Variants in PDZD8 observed in about 807,000 individuals in gnomAD.
The protein encoded by PDZD8 is PDZ domain containing 8, also known as PDZ domain-containing protein 8.
A neutral mutation model predicts 85.8 loss-of-function variants in PDZD8; 14 were observed. The ratio of observed to expected loss-of-function variants is 0.16; its 90% CI spans 0.11 to 0.26. The LOEUF (loss-of-function observed/expected upper bound fraction) is 0.26, where lower values mean the gene tolerates loss of function less well. Ranked by LOEUF, PDZD8 falls within the 10% of genes least tolerant of loss-of-function variation. The probability of loss-of-function intolerance (pLI) is 1.00; values close to 1 mark genes in which losing one functional copy is unlikely to be tolerated. For synonymous variants in PDZD8, 592 were observed against 568.6 expected, an observed-to-expected ratio of 1.04 and a Z score of -0.59; for missense variants, 1,197 against 1,424.3, an observed-to-expected ratio of 0.84 and a Z score of 2.57.
chr10:117,308,415 A>G (rs1843980918), intron 3 of PDZD8, among the ~76,000 whole-genome samples: 1 of 152,064 alleles, frequency 6.6e-6, no homozygotes, highest in South Asian at 2.1e-4. Flanking sequence ...GGGATTTATG[A>G]GGACACACAA....
At position 117,283,484 on chromosome 10, in the gene PDZD8, C is replaced by G; in HGVS notation, c.3249G>C (p.Arg1083Ser). 2 of 1,614,152 alleles carry G rather than the reference C, an allele frequency of 1.2e-6. No individual in the cohort carries two copies. The highest frequency in any genetic ancestry group is 1.1e-5 in the South Asian group (1 of 91,084). The change falls in exon 5 of 5, where the codon AGG becomes AGC. Residue 1083 changes from arginine to serine, a missense_variant. Physicochemically the swap from Arg to Ser is moderately radical, Grantham distance 110. Coordinates refer to ENST00000334464, the MANE Select transcript of PDZD8 (RefSeq NM_173791.5). ...LSAALAKSGE[R>S]LQALTLLMIH... ...TCATAAGAAGTGTTAGAGCTTGTAG[C>G]CTTTCACCTGATTTAGCTAAGGCAG...
chr10:117,374,977 G>C lies in PDZD8; in HGVS notation c.251C>G (p.Pro84Arg). The C allele has an allele frequency of 6.2e-7, 1 of 1,601,562 alleles. No homozygotes were observed. Among genetic ancestry groups the C allele is most frequent in the Non-Finnish European group, 8.5e-7 (1 of 1,174,608 alleles). Residue 84 changes from proline (P) to arginine (R), a missense_variant, in exon 1 of 5, where the codon CCC (proline) becomes CGC (arginine). Physicochemically the swap from Pro to Arg is moderately radical, Grantham distance 103. Transcript: ENST00000334464. This position sits in a 1 kb window ranked among gnomAD's most constrained non-coding sequence, Gnocchi z 7.8. ...CCGCGTCGGCGGGGCGGGGGTCTCG[G>C]GGGCCGCGGTGGGGGTCGCGCCGCC... ...PEGGATPTAA[P>R]ETPAPPTRET...
chr10:117,324,203 C>T, intron 2 of PDZD8, among the ~76,000 whole-genome samples: 2 of 97,188 alleles, frequency 2.1e-5, no homozygotes, highest in Non-Finnish European at 3.7e-5. Flanking sequence ...AGCAAGACTC[C>T]ATCTCAAAAA....
chr10:117,351,809 T>C (rs1844810173), intron 1 of PDZD8, among the ~76,000 whole-genome samples: 1 of 152,174 alleles, frequency 6.6e-6, no homozygotes, highest in Non-Finnish European at 1.5e-5. Context: ...TGCCTCAGCA[T>C]CCCAAGTAGC....
chr10:117,347,497 A>G (rs1464147960), intron 1 of PDZD8, among the ~76,000 whole-genome samples: 1 of 152,148 alleles, frequency 6.6e-6, no homozygotes, highest in East Asian at 1.9e-4. Context: ...GTCTCCCTGA[A>G]ATGTATAAAA....
At chr10:117,289,910 G>A (rs1256078923) in intron 4 of PDZD8, among the ~76,000 whole-genome samples, 1 of 152,174 alleles carries the variant, frequency 6.6e-6, no homozygotes, top group Non-Finnish European at 1.5e-5. Flanking sequence ...GTAGTAGAAG[G>A]TGGGAAGGGA....
Position 117,290,278 on chromosome 10 carries a change from T to C in PDZD8, c.1169A>G (p.Tyr390Cys), listed in dbSNP as rs1175321979. The change falls in exon 4 of 5, where the codon TAT becomes TGT. Residue 390 changes from tyrosine (Y) to cysteine (C), a missense_variant. Physicochemically the swap from Tyr to Cys is radical, Grantham distance 194 (BLOSUM62 -2). This residue lies in a region of PDZD8 where 344 missense variants were observed against 453.6 expected (regional missense o/e 0.76). Transcript: ENST00000334464. ...TLRLVQSTDG[Y>C]AGHVIIETVA... Reference sequence around the variant, plus strand: ...AGTTTCAATGATGACGTGCCCAGCATACCCATCAGTTGACTGGACAAGACG... The same window carrying C: ...AGTTTCAATGATGACGTGCCCAGCACACCCATCAGTTGACTGGACAAGACG... The C allele has an allele frequency of 6.8e-6, 11 of 1,613,734 alleles. No homozygotes were observed. The highest frequency in any genetic ancestry group is 1.3e-5 in the African/African-American group (1 of 74,922).
chr10:117,322,891 A>G (rs1844250138), intron 2 of PDZD8, among the ~76,000 whole-genome samples: 1 of 152,222 alleles, frequency 6.6e-6, no homozygotes, highest in African/African-American at 2.4e-5. Flanking sequence ...TATACTGTAG[A>G]AACATTATAG....
At chr10:117,308,047 TG>T (rs1341121108) in intron 3 of PDZD8, among the ~76,000 whole-genome samples, 1 of 152,140 alleles carries the variant, frequency 6.6e-6, no homozygotes, top group African/African-American at 2.4e-5. Context: ...TACAACTATC[TG>T]GAAGCACTAA....
At chr10:117,329,470 A>G (rs1018391892) in intron 2 of PDZD8, among the ~76,000 whole-genome samples, 3 of 152,182 alleles carry the variant, frequency 2.0e-5, no homozygotes, top group African/African-American at 7.2e-5. Context: ...CGGAGGTTGA[A>G]AAATTTTTTT....
rs895263615 is a variant in PDZD8 at position 117,278,665 on chromosome 10, T to A, written c.*4603A>T. The stretch of plus-strand genomic sequence containing the variant: ...GATTGTGTTTGTGTTAACTTCGACA[T>A]CAAGGAGCAAAGAACTTTAGAACAG... On this transcript the variant is annotated 3_prime_UTR_variant, in exon 5 of 5. Coordinates refer to ENST00000334464, the MANE Select transcript of PDZD8 (RefSeq NM_173791.5). 1.3e-5 allele frequency: 2 copies of A among 152,328 alleles called. No homozygotes were observed. The highest frequency in any genetic ancestry group is 3.9e-4 in the East Asian group (2 of 5,186). 9.4% of individuals were successfully genotyped at this position (152,328 alleles called of 1,614,324 possible).
chr10:117,355,218 T>C (rs1033693336), intron 1 of PDZD8, among the ~76,000 whole-genome samples: 3 of 152,232 alleles, frequency 2.0e-5, no homozygotes, highest in Admixed American at 6.5e-5. Context: ...CTAAACACTC[T>C]GATGCCATAC....
chr10:117,339,128 CAA>C (rs71013660), intron 2 of PDZD8, among the ~76,000 whole-genome samples: 9 of 129,434 alleles, frequency 7.0e-5, no homozygotes, highest in East Asian at 5.0e-4. Flanking sequence ...TGGACTTAAC[CAA>C]AAAAAAAAAA....
In PDZD8 at chr10:117,334,577, T is replaced by C. The variant is rs188277251; in HGVS notation, c.995+6403A>G. On this transcript the variant is annotated intron_variant, in intron 2 of 4. Transcript: ENST00000334464. ...TAGATTTAGCAGATCAAGGCTTCAATGCAGCCATTATATATATATATGGCT... is the reference window on the plus strand; with the variant it reads ...TAGATTTAGCAGATCAAGGCTTCAACGCAGCCATTATATATATATATGGCT... Among the ~76,000 whole-genome samples the C allele has an allele frequency of 1.7e-3, 260 of 152,064 alleles. 5 individuals carry two copies. Among genetic ancestry groups the C allele is most frequent in the African/African-American group, 5.8e-3 (242 of 41,476 alleles).
intron 2 of PDZD8, among the ~76,000 whole-genome samples, chr10:117,322,203 A>T (rs1419739229): frequency 6.6e-6 from 1 of 152,084 alleles, no homozygotes; most frequent in African/African-American, 2.4e-5. Flanking sequence ...GCCCAAACAG[A>T]CTTATAACTA....
chr10:117,374,997 G>C lies in PDZD8; in HGVS notation c.231C>G (p.Gly77=). 1 of 1,590,288 alleles carries C rather than the reference G, an allele frequency of 6.3e-7. No individual in the cohort carries two copies. The highest frequency in any genetic ancestry group is 1.1e-5 in the South Asian group (1 of 89,202). Residue 77 remains glycine (G), a synonymous_variant, in exon 1 of 5, where the codon GGC becomes GGG. Transcript: ENST00000334464. This position sits in a 1 kb window ranked among gnomAD's most constrained non-coding sequence, Gnocchi z 7.8. ...EEPSGAAPEG[G]ATPTAAPETP... is the part of the protein sequence containing the mutation. Reference sequence around the variant, plus strand: ...TCTCGGGGGCCGCGGTGGGGGTCGCGCCGCCCTCAGGGGCCGCTCCGGAGG... The same window carrying C: ...TCTCGGGGGCCGCGGTGGGGGTCGCCCCGCCCTCAGGGGCCGCTCCGGAGG...
chr10:117,291,111 T>C (rs1844753613), intron 3 of PDZD8, among the ~76,000 whole-genome samples: 1 of 151,906 alleles, frequency 6.6e-6, no homozygotes, highest in African/African-American at 2.4e-5. Flanking sequence ...TGGGCTCAAG[T>C]GATCCGCCCA....
chr10:117,295,269 T>C (rs1023621867), intron 3 of PDZD8, among the ~76,000 whole-genome samples: 2 of 152,218 alleles, frequency 1.3e-5, no homozygotes, highest in Non-Finnish European at 2.9e-5. Context: ...CTTTGCAATG[T>C]AACTTTACTA....
chr10:117,353,238 T>C (rs117110900), intron 1 of PDZD8, among the ~76,000 whole-genome samples: 2,856 of 152,262 alleles, frequency 0.019, 45 homozygotes, highest in Non-Finnish European at 0.028. Context: ...GAGTAAAATA[T>C]AAAGAACTCA....
Sources: gnomAD v4.1 joint callset for allele counts (sites outside exome capture counted in the v4.1 genomes callset) on GRCh38, gnomAD v4.1.1 for gene constraint, gnomAD v4.1.1 regional missense constraint, Gnocchi (gnomAD v3.1) non-coding constraint, MANE v1.5 for transcripts, NCBI Gene and HGNC (gene_info 2026-07-23, HGNC 2026-07-21) for gene names.